RBFOX1: variants seen among roughly 807,000 people sequenced by gnomAD.
RBFOX1 encodes RNA binding protein fox-1 homolog 1.
A neutral mutation model predicts 57.7 loss-of-function variants in RBFOX1; 8 were observed. The ratio of observed to expected loss-of-function variants is 0.14; its 90% CI spans 0.08 to 0.25. RBFOX1 has a LOEUF of 0.25. RBFOX1 is among the 10% of genes least tolerant of loss of function. The pLI is 1.00. For missense variants in RBFOX1, 611 were observed against 548.5 expected (o/e 1.11, Z -1.14); for synonymous variants, 326 against 222.4 (o/e 1.47, Z -4.15).
intron 2 of RBFOX1, among the ~76,000 whole-genome samples, chr16:6,645,342 G>A (rs894479331): frequency 1.3e-5 from 2 of 152,072 alleles, no homozygotes; most frequent in African/African-American, 4.8e-5. Flanking sequence ...GTTGAACCCC[G>A]TGCTGGCTAC....
At chr16:6,523,945 TACAC>T (rs1295256124) in intron 2 of RBFOX1, among the ~76,000 whole-genome samples, 1 of 152,212 alleles carries the variant, frequency 6.6e-6, no homozygotes, top group Non-Finnish European at 1.5e-5. Context: ...CAATGTGTAA[TACAC>T]ACATCATGGA....
intron 5 of RBFOX1, among the ~76,000 whole-genome samples, chr16:7,577,094 G>A (rs1325633754): frequency 6.6e-6 from 1 of 152,168 alleles, no homozygotes; most frequent in Non-Finnish European, 1.5e-5. Context: ...ATCACATGAA[G>A]GCGGCGACAT....
At chr16:7,146,138 G>A (rs1039361523) in intron 4 of RBFOX1, among the ~76,000 whole-genome samples, 3 of 152,162 alleles carry the variant, frequency 2.0e-5, no homozygotes, top group Non-Finnish European at 4.4e-5. Context: ...TAAGGGATGA[G>A]CAATGGCACA....
At chr16:6,125,865 G>T (rs2096585953) in intron 1 of RBFOX1, among the ~76,000 whole-genome samples, 1 of 152,078 alleles carries the variant, frequency 6.6e-6, no homozygotes, top group South Asian at 2.1e-4. Flanking sequence ...ATACTGCCGG[G>T]GAGAGATTTT....
intron 2 of RBFOX1, among the ~76,000 whole-genome samples, chr16:6,513,833 G>C (rs1020981402): frequency 5.3e-5 from 8 of 152,188 alleles, no homozygotes; most frequent in Admixed American, 4.6e-4. Context: ...TCAAGCGAGA[G>C]GGTGGAGTGT....
intron 1 of RBFOX1, among the ~76,000 whole-genome samples, chr16:5,399,947 C>A (rs1392929969): frequency 6.6e-6 from 1 of 151,968 alleles, no homozygotes; most frequent in Non-Finnish European, 1.5e-5. Flanking sequence ...ACAACCCAAG[C>A]CAAAACTTTT....
intron 8 of RBFOX1, among the ~76,000 whole-genome samples, chr16:7,596,877 A>G (rs1158953744): frequency 6.6e-6 from 1 of 152,190 alleles, no homozygotes; most frequent in Non-Finnish European, 1.5e-5. Context: ...GTTGAATGCT[A>G]GATGTTGCTT....
rs1049440316 is a variant in RBFOX1 at position 7,712,172 on chromosome 16, C to T, written c.*1427C>T. On this transcript the variant is annotated 3_prime_UTR_variant, in exon 16 of 16. Transcript: ENST00000550418. ...TGAACTTTCCACGTTGTCCTGTTTACAAGTTAACTTAAGTTGGGGTATCCG... is the reference window on the plus strand; with the variant it reads ...TGAACTTTCCACGTTGTCCTGTTTATAAGTTAACTTAAGTTGGGGTATCCG... The T allele has an allele frequency of 1.3e-5, 2 of 152,612 alleles. No individual in the cohort carries two copies. Among genetic ancestry groups the T allele is most frequent in the African/African-American group, 4.8e-5 (2 of 41,452 alleles). 9.5% of individuals were successfully genotyped at this position (152,612 alleles called of 1,614,324 possible).
intron 1 of RBFOX1, among the ~76,000 whole-genome samples, chr16:5,345,069 A>T (rs1330684170): frequency 1.3e-5 from 2 of 152,044 alleles, no homozygotes; most frequent in African/African-American, 2.4e-5. Context: ...TTTGTCAAGG[A>T]TCCTCAGAGT....
At chr16:6,878,656 T>C (rs1299252398) in intron 3 of RBFOX1, among the ~76,000 whole-genome samples, 1 of 152,170 alleles carries the variant, frequency 6.6e-6, no homozygotes, top group Non-Finnish European at 1.5e-5. Flanking sequence ...CGTGTTAGCG[T>C]CAGTTTAATT....
intron 2 of RBFOX1, among the ~76,000 whole-genome samples, chr16:6,541,445 G>C (rs2096817214): frequency 6.6e-6 from 1 of 152,198 alleles, no homozygotes; most frequent in Non-Finnish European, 1.5e-5. Context: ...TCACAGTGCA[G>C]GGATCAGACA....
intron 1 of RBFOX1, among the ~76,000 whole-genome samples, chr16:5,423,106 AGAGGGAGGAAGGG>A (rs1445265781): frequency 7.8e-6 from 1 of 128,916 alleles, no homozygotes; most frequent in African/African-American, 2.9e-5. Context: ...AGGAGGAGGG[AGAGGGAGGAAGGG>A]GAGGGAGGAG....
At chr16:6,636,331 C>T (rs1055202172) in intron 2 of RBFOX1, among the ~76,000 whole-genome samples, 10 of 152,124 alleles carry the variant, frequency 6.6e-5, no homozygotes, top group Middle Eastern at 3.4e-3. Flanking sequence ...CCACCACACA[C>T]GGCTAATTTT....
At chr16:5,666,165 A>G (rs2049837671) in intron 3 of RBFOX1, among the ~76,000 whole-genome samples, 2 of 152,362 alleles carry the variant, frequency 1.3e-5, no homozygotes, top group African/African-American at 2.4e-5. Flanking sequence ...GGGCACATCC[A>G]TCATGGATAC....
intron 3 of RBFOX1, among the ~76,000 whole-genome samples, chr16:5,827,916 T>TCCAC (rs2056127332): frequency 1.8e-4 from 21 of 118,720 alleles, no homozygotes; most frequent in African/African-American, 4.3e-4. Flanking sequence ...CATCCATCCA[T>TCCAC]CCACCCATCC....
chr16:7,533,581 C>T (rs759019225), intron 5 of RBFOX1, among the ~76,000 whole-genome samples: 25 of 152,292 alleles, frequency 1.6e-4, no homozygotes, highest in Non-Finnish European at 3.1e-4. Context: ...ATACACAGAA[C>T]ACTTGTATGA....
intron 3 of RBFOX1, among the ~76,000 whole-genome samples, chr16:6,953,142 C>T (rs1244967652): frequency 1.3e-5 from 2 of 152,198 alleles, no homozygotes; most frequent in Admixed American, 1.3e-4. Context: ...GTATGTATGC[C>T]TCTTTCCACT....
chr16:7,690,776 A>G lies in RBFOX1; in HGVS notation c.995+13938A>G, dbSNP rs187914413. On this transcript the variant is annotated intron_variant, in intron 14 of 15. Coordinates refer to ENST00000550418, the MANE Select transcript of RBFOX1 (RefSeq NM_018723.4). The stretch of plus-strand genomic sequence containing the variant: ...ATGGCTTGAGAGAGGGTCATAGATG[A>G]TCCATTTATGGGCCCTCTAAATCAA... Among the ~76,000 whole-genome samples the G allele has an allele frequency of 1.6e-3, 246 of 152,204 alleles. 1 individual carries two copies. The highest frequency in any genetic ancestry group is 5.4e-3 in the African/African-American group (225 of 41,542).
chr16:7,161,563 T>C (rs2078328607), intron 4 of RBFOX1, among the ~76,000 whole-genome samples: 1 of 152,156 alleles, frequency 6.6e-6, no homozygotes, highest in Non-Finnish European at 1.5e-5. Flanking sequence ...GTGAAGTCCT[T>C]TGCTAAGGCT....
Sources: allele counts gnomAD v4.1 joint callset (sites outside exome capture counted in the v4.1 genomes callset), GRCh38; gene constraint gnomAD v4.1.1; transcripts MANE v1.5; gene names NCBI Gene and HGNC (gene_info 2026-07-23, HGNC 2026-07-21).